Variants in ADAMTS14 observed in about 807,000 individuals in gnomAD.
The protein encoded by ADAMTS14 is A disintegrin and metalloproteinase with thrombospondin motifs 14.
In ADAMTS14, 100 loss-of-function variants were observed where a neutral mutation model predicts 128.6. That is an observed-to-expected ratio of 0.78 (90% CI 0.66 to 0.92). ADAMTS14 has a LOEUF of 0.92. ADAMTS14 is among the 40% of genes least tolerant of loss of function. ADAMTS14 has a pLI of 0.00. For missense variants in ADAMTS14, 1,562 were observed against 1,658.6 expected, an observed-to-expected ratio of 0.94 and a Z score of 1.01; for synonymous variants, 665 against 653.8, an observed-to-expected ratio of 1.02 and a Z score of -0.26.
chr10:70,741,501 G>A (rs1170252811), intron 12 of ADAMTS14, among the ~76,000 whole-genome samples: 1 of 152,236 alleles, frequency 6.6e-6, no homozygotes, highest in African/African-American at 2.4e-5. Context: ...AGGGTTGCCT[G>A]CCTTTCGTCT....
chr10:70,735,072 T>C, intron 8 of ADAMTS14, 97 bp from the exon 9 acceptor site: 1 of 1,482,596 alleles, frequency 6.7e-7, no homozygotes, highest in Non-Finnish European at 9.1e-7. Context: ...GTGCAAATTC[T>C]TGCAGGCCTT....
rs530103257 is a variant in ADAMTS14 at position 70,680,568 on chromosome 10, A to C, written c.522+5573A>C. On this transcript the variant is annotated intron_variant, in intron 2 of 21. Coordinates refer to ENST00000373207, the MANE Select transcript of ADAMTS14 (RefSeq NM_080722.4). ...AGCACAGATCAGCTGTGGGACCTTG[A>C]GCGAGTGTCTTCATCTCCCTATGCT... Among the ~76,000 whole-genome samples the C allele has an allele frequency of 8.5e-5, 13 of 152,280 alleles. No homozygotes were observed. In the East Asian group the frequency reaches 2.5e-3, roughly 29 times the overall value.
At chr10:70,739,129 C>G in intron 11 of ADAMTS14, 139 bp downstream of exon 11, 1 of 1,098,900 alleles carries the variant, frequency 9.1e-7, no homozygotes, top group African/African-American at 1.6e-5. Flanking sequence ...CATGAGGACA[C>G]AAACTTGTTG....
At chr10:70,731,737 T>A (rs1382475997) in intron 6 of ADAMTS14, among the ~76,000 whole-genome samples, 1 of 152,140 alleles carries the variant, frequency 6.6e-6, no homozygotes, top group African/African-American at 2.4e-5. Context: ...CTGGCTTGCT[T>A]CTTGAATTCT....
intron 7 of ADAMTS14, among the ~76,000 whole-genome samples, chr10:70,733,454 CTGGTCTT>C (rs1420177350): frequency 7.9e-5 from 12 of 152,206 alleles, no homozygotes; most frequent in African/African-American, 2.7e-4. Flanking sequence ...TGAATGAAAC[CTGGTCTT>C]TGCACTCAAA....
At chr10:70,694,105 G>C (rs1231928988) in intron 2 of ADAMTS14, among the ~76,000 whole-genome samples, 1 of 152,236 alleles carries the variant, frequency 6.6e-6, no homozygotes, top group Non-Finnish European at 1.5e-5. Flanking sequence ...AGCTCCTGTG[G>C]CTTGGGGCTT....
chr10:70,680,101 T>G (rs538714860), intron 2 of ADAMTS14, among the ~76,000 whole-genome samples: 18 of 152,346 alleles, frequency 1.2e-4, no homozygotes, highest in African/African-American at 4.3e-4. Flanking sequence ...GTATGTTATA[T>G]CTCAATAAAC....
chr10:70,712,492 C>A (rs957431946), intron 4 of ADAMTS14, among the ~76,000 whole-genome samples: 1 of 152,206 alleles, frequency 6.6e-6, no homozygotes, highest in African/African-American at 2.4e-5. Flanking sequence ...GGGAACCAGG[C>A]AGATGTTATA....
At chr10:70,744,926 A>G (rs1226490826) in intron 14 of ADAMTS14, among the ~76,000 whole-genome samples, 1 of 152,132 alleles carries the variant, frequency 6.6e-6, no homozygotes, top group African/African-American at 2.4e-5. Flanking sequence ...AGGAGCAAAA[A>G]GGGACGGGGG....
At chr10:70,713,710 TG>T (rs11285436) in intron 4 of ADAMTS14, among the ~76,000 whole-genome samples, 10,081 of 152,280 alleles carry the variant, frequency 0.066, 443 homozygotes, top group East Asian at 0.17. Flanking sequence ...AAGGTTGGTT[TG>T]GGTCTGCTGG....
intron 2 of ADAMTS14, among the ~76,000 whole-genome samples, chr10:70,693,934 G>A (rs554969653): frequency 6.6e-6 from 1 of 152,216 alleles, no homozygotes; most frequent in Non-Finnish European, 1.5e-5. Context: ...GCAGATGTAC[G>A]TGGCAGAGCG....
Position 70,760,452 on chromosome 10 carries a change from G to T in ADAMTS14, c.3271G>T (p.Val1091Leu), listed in dbSNP as rs1241824521. 3 of 1,613,852 alleles carry T rather than the reference G, an allele frequency of 1.9e-6. No individual in the cohort carries two copies. Among genetic ancestry groups the T allele is most frequent in the Middle Eastern group, 1.6e-4 (1 of 6,062 alleles). Reference protein sequence around the residue: ...SIPGYHRLCCVSCIKKASGPN... With the variant: ...SIPGYHRLCCLSCIKKASGPN... The stretch of plus-strand genomic sequence containing the variant: ...TCCCGGCTACCACCGGCTCTGCTGT[G>T]TGTCCTGCATCAAGAAGGCCTCGGG... The change falls in exon 22 of 22, where the codon GTG becomes TTG. Residue 1091 changes from valine to leucine, a missense_variant. Val to Leu is a conservative substitution (Grantham distance 32). Transcript: ENST00000373207.
intron 1 of ADAMTS14, among the ~76,000 whole-genome samples, chr10:70,673,377 C>A (rs1395959204): frequency 6.6e-6 from 1 of 152,178 alleles, no homozygotes; most frequent in Non-Finnish European, 1.5e-5. Context: ...CACAGAAACA[C>A]ACATCCTTCC....
At chr10:70,705,287 C>G (rs1440517988) in intron 3 of ADAMTS14, among the ~76,000 whole-genome samples, 1 of 152,182 alleles carries the variant, frequency 6.6e-6, no homozygotes, top group African/African-American at 2.4e-5. Flanking sequence ...CTTCCCTCTC[C>G]TATTTAATCC....
intron 4 of ADAMTS14, among the ~76,000 whole-genome samples, chr10:70,714,697 C>T (rs1298871295): frequency 2.2e-4 from 33 of 152,072 alleles, no homozygotes; most frequent in Admixed American, 2.0e-3. Flanking sequence ...GCATGTAATC[C>T]AGTACTTTGG....
Position 70,760,683 on chromosome 10 carries a change from C to A in ADAMTS14, c.3502C>A (p.Pro1168Thr), listed in dbSNP as rs752303552. 2 of 1,614,062 alleles carry A rather than the reference C, an allele frequency of 1.2e-6. No individual in the cohort carries two copies. Among genetic ancestry groups the A allele is most frequent in the Non-Finnish European group, 1.7e-6 (2 of 1,180,036 alleles). The stretch of plus-strand genomic sequence containing the variant: ...CCCAGGGACCCAGCATCCCTTTGCC[C>A]CTGAGACACCAATCCCTGGAGCATC... ...SSPGTQHPFA[P>T]ETPIPGASWS... is the part of the protein sequence containing the mutation. Residue 1168 changes from proline (P) to threonine (T), a missense_variant, in exon 22 of 22, where the codon CCT becomes ACT. Pro to Thr is a conservative substitution (Grantham distance 38). Coordinates refer to ENST00000373207, the MANE Select transcript of ADAMTS14 (RefSeq NM_080722.4).
At chr10:70,746,736 A>C (rs1409324389) in intron 15 of ADAMTS14, among the ~76,000 whole-genome samples, 1 of 152,188 alleles carries the variant, frequency 6.6e-6, no homozygotes, top group Non-Finnish European at 1.5e-5. Flanking sequence ...GTCTCAAAAA[A>C]AATTTTTTTT....
In ADAMTS14 at chr10:70,757,989, C is replaced by CA. The variant is rs1346070875; in HGVS notation, c.2966dup (p.Gln990AlafsTer20). ...CTCTGCCACCTGTGGAGAGGGCATC[C>CA]AGCAGCGGCAGGTGGTGTGCAGGAC... On this transcript the variant is annotated frameshift_variant, in exon 20 of 22. Transcript: ENST00000373207. LOFTEE classifies it high-confidence loss of function. 2 of 1,612,742 alleles carry CA rather than the reference C, an allele frequency of 1.2e-6. No individual in the cohort carries two copies. The highest frequency in any genetic ancestry group is 1.7e-6 in the Non-Finnish European group (2 of 1,179,682).
chr10:70,747,026 A>G (rs575439466), intron 15 of ADAMTS14, among the ~76,000 whole-genome samples: 276 of 152,228 alleles, frequency 1.8e-3, no homozygotes, highest in Non-Finnish European at 3.0e-3. Context: ...AACAAAACAC[A>G]TATCTCTTGG....
Sources: allele counts gnomAD v4.1 joint callset (sites outside exome capture counted in the v4.1 genomes callset), GRCh38; gene constraint gnomAD v4.1.1; transcripts MANE v1.5; gene names NCBI Gene and HGNC (gene_info 2026-07-23, HGNC 2026-07-21).